Variants in ATP7B observed in about 807,000 individuals in gnomAD.
ATP7B encodes copper-transporting ATPase 2.
In ATP7B, 113 loss-of-function variants were observed where a neutral mutation model predicts 118.9. That is an observed-to-expected ratio of 0.95 (90% CI 0.82 to 1.11). The LOEUF (loss-of-function observed/expected upper bound fraction) is 1.11, where lower values mean the gene tolerates loss of function less well. Among genes scored for constraint, ATP7B ranks in the 50% most tolerant of loss-of-function variants. ATP7B has a pLI of 0.00. For missense variants in ATP7B, 1,867 were observed against 1,871.4 expected (o/e 1.00, Z 0.04); for synonymous variants, 777 against 727.4 (o/e 1.07, Z -1.10).
intron 1 of ATP7B, among the ~76,000 whole-genome samples, chr13:52,010,116 G>A (rs1953951861): frequency 6.6e-6 from 1 of 152,066 alleles, no homozygotes; most frequent in African/African-American, 2.4e-5. Context: ...GACACTGTAG[G>A]AAGTTGAAAT....
chr13:51,934,722 C>T lies in ATP7B; in HGVS notation c.*34G>A, dbSNP rs763552108. The T allele has an allele frequency of 9.3e-6, 15 of 1,610,206 alleles. No homozygotes were observed. The Admixed American group carries it at 2.2e-4, about 23-fold the overall frequency. ...CTGCTCAGCTTGTGGTGAGTGGAGG[C>T]AAGTCCCTGCCCCGGCCCGCCTGCC... On this transcript the variant is annotated 3_prime_UTR_variant, in exon 21 of 21. Transcript: ENST00000242839.
At chr13:51,940,161 C>T (rs1171192342) in intron 16 of ATP7B, among the ~76,000 whole-genome samples, 5 of 150,506 alleles carry the variant, frequency 3.3e-5, no homozygotes, top group Non-Finnish European at 7.4e-5. Context: ...TAGAGGCATG[C>T]GCCACCACAC....
At chr13:51,952,153 A>G (rs1487731413) in intron 9 of ATP7B, among the ~76,000 whole-genome samples, 1 of 152,248 alleles carries the variant, frequency 6.6e-6, no homozygotes, top group Non-Finnish European at 1.5e-5. Flanking sequence ...ACTGTGTGCT[A>G]GTGGGACATG....
chr13:51,983,830 G>A (rs28862707), intron 1 of ATP7B, among the ~76,000 whole-genome samples: 5 of 152,154 alleles, frequency 3.3e-5, no homozygotes, highest in African/African-American at 1.2e-4. Flanking sequence ...CTGACTGTTA[G>A]AAGGAAAACT....
chr13:51,998,783 A>G (rs1301213122), intron 1 of ATP7B, among the ~76,000 whole-genome samples: 1 of 152,242 alleles, frequency 6.6e-6, no homozygotes, highest in Non-Finnish European at 1.5e-5. Flanking sequence ...GCAGATGGGC[A>G]GCTCATGTTT....
chr13:51,980,809 T>C (rs1481499513), intron 1 of ATP7B, among the ~76,000 whole-genome samples: 1 of 152,192 alleles, frequency 6.6e-6, no homozygotes, highest in Non-Finnish European at 1.5e-5. Context: ...AAGAATTCTT[T>C]CACTTTGAAG....
chr13:51,944,108 C>T lies in ATP7B; in HGVS notation c.3243+1G>A, dbSNP rs748819198. The T allele has an allele frequency of 5.6e-6, 9 of 1,613,972 alleles. No individual in the cohort carries two copies. Among genetic ancestry groups the T allele is most frequent in the South Asian group, 1.1e-5 (1 of 91,090 alleles). On this transcript the variant is annotated splice_donor_variant, in intron 14 of 20. Transcript: ENST00000242839. LOFTEE classifies it high-confidence loss of function. ...GCAGGGCCACGCCCAAGTCCACGTA[C>T]CTCTTTACAGTATTTGGTGACTGCC... is the stretch of plus-strand genomic sequence containing the variant.
At chr13:51,958,221 A>G in intron 8 of ATP7B, 90 bp downstream of exon 8, 1 of 1,407,064 alleles carries the variant, frequency 7.1e-7, no homozygotes, top group Non-Finnish European at 1.0e-6. Flanking sequence ...TATGCTGTGT[A>G]TAATTAGTAA....
chr13:51,961,837 T>C lies in ATP7B; in HGVS notation c.1946A>G (p.Gln649Arg), dbSNP rs756371545. ...HHLDHKMEIK[Q>R]WKKSFLCSLV... ...AGTTTATCTTTTGTGTTCTACCTAC[T>C]GCTTTATTTCCATCTTGTGGTCCAA... The change falls in exon 6 of 21, where the codon CAG becomes CGG. Residue 649 changes from glutamine (Q) to arginine (R), a missense_variant and splice_region_variant. Coordinates refer to ENST00000242839, the MANE Select transcript of ATP7B (RefSeq NM_000053.4). The C allele has an allele frequency of 6.2e-7, 1 of 1,613,482 alleles. No homozygotes were observed. Among genetic ancestry groups the C allele is most frequent in the Non-Finnish European group, 8.5e-7 (1 of 1,179,422 alleles).
intron 1 of ATP7B, among the ~76,000 whole-genome samples, chr13:51,996,414 G>GA (rs1953209947): frequency 6.6e-6 from 1 of 152,190 alleles, no homozygotes. Flanking sequence ...TCGGGGACCA[G>GA]AAGGAGAGAC....
At chr13:51,956,008 A>G (rs1958322887) in intron 9 of ATP7B, among the ~76,000 whole-genome samples, 1 of 152,216 alleles carries the variant, frequency 6.6e-6, no homozygotes, top group Admixed American at 6.5e-5. Context: ...TTCCTGAGGA[A>G]AGCTGGGATG....
chr13:52,010,216 CCTCT>C (rs1158733618), intron 1 of ATP7B, among the ~76,000 whole-genome samples: 1 of 152,166 alleles, frequency 6.6e-6, no homozygotes, highest in Non-Finnish European at 1.5e-5. Flanking sequence ...TACTAACCAG[CCTCT>C]CTCTGTCTGT....
intron 1 of ATP7B, among the ~76,000 whole-genome samples, chr13:51,988,069 A>C (rs1186768338): frequency 1.6e-4 from 24 of 152,204 alleles, no homozygotes; most frequent in Admixed American, 1.6e-3. Context: ...GGATCTAATT[A>C]AACTAAAGAG....
intron 1 of ATP7B, among the ~76,000 whole-genome samples, chr13:51,976,846 TATC>T (rs1952141450): frequency 6.6e-6 from 1 of 152,174 alleles, no homozygotes; most frequent in Non-Finnish European, 1.5e-5. Flanking sequence ...ATGGGGCACT[TATC>T]ATGAATGGAG....
At chr13:51,945,413 TTCC>T (rs1957584490) in intron 13 of ATP7B, among the ~76,000 whole-genome samples, 1 of 152,162 alleles carries the variant, frequency 6.6e-6, no homozygotes, top group Admixed American at 6.5e-5. Context: ...GGAGGGGAAG[TTCC>T]ACCTCCACAG....
chr13:52,010,142 C>T (rs1396041434), intron 1 of ATP7B, among the ~76,000 whole-genome samples: 1 of 152,002 alleles, frequency 6.6e-6, no homozygotes, highest in Admixed American at 6.6e-5. Flanking sequence ...CTGTACAAGC[C>T]ACCCCTCCCA....
chr13:51,957,231 GTGAAGTTTCCCT>G (rs560599602), intron 9 of ATP7B, among the ~76,000 whole-genome samples: 2 of 152,266 alleles, frequency 1.3e-5, no homozygotes, highest in East Asian at 3.9e-4. Flanking sequence ...TATGTTCTCT[GTGAAGTTTCCCT>G]TGACCAACAC....
chr13:51,961,911 T>A lies in ATP7B; in HGVS notation c.1872A>T (p.Glu624Asp), dbSNP rs1845536418. 2.5e-6 allele frequency: 4 copies of A among 1,613,410 alleles called. No individual in the cohort carries two copies. Among genetic ancestry groups the A allele is most frequent in the Non-Finnish European group, 3.4e-6 (4 of 1,179,360 alleles). The change falls in exon 6 of 21, where the codon GAA becomes GAT. Residue 624 changes from glutamate to aspartate, a missense_variant and splice_region_variant. Glu to Asp is a conservative substitution (Grantham distance 45). Coordinates refer to ENST00000242839, the MANE Select transcript of ATP7B (RefSeq NM_000053.4). ...GGGCCAGGGAAGCATGAAAGCCAAT[T>A]TCCTTGTCATTAAAAAGAGAGGGGT... ...GPRDIIKIIE[E>D]IGFHASLAQR...
chr13:51,999,486 T>C (rs950473501), intron 1 of ATP7B, among the ~76,000 whole-genome samples: 1 of 152,190 alleles, frequency 6.6e-6, no homozygotes, highest in Non-Finnish European at 1.5e-5. Context: ...CTGAACAGTC[T>C]TGAGTGAAAA....
Sources: allele counts gnomAD v4.1 joint callset (sites outside exome capture counted in the v4.1 genomes callset), GRCh38; gene constraint gnomAD v4.1.1; transcripts MANE v1.5; gene names NCBI Gene and HGNC (gene_info 2026-07-23, HGNC 2026-07-21).